The following MOB3B variants were observed in gnomAD, a reference collection of about 807,000 sequenced individuals.
MOB3B encodes the protein MOB kinase activator 3B.
MOB3B carries 7 observed loss-of-function variants against 18.7 expected under a neutral mutation model. The ratio of observed to expected loss-of-function variants is 0.37; its 90% CI spans 0.21 to 0.70. MOB3B has a LOEUF of 0.70. MOB3B is among the 30% of genes least tolerant of loss of function. The probability of loss-of-function intolerance (pLI) is 0.52; values close to 1 mark genes in which losing one functional copy is unlikely to be tolerated. For missense variants in MOB3B, 253 were observed against 281.3 expected (o/e 0.90, Z 0.72); for synonymous variants, 111 against 99.9 (o/e 1.11, Z -0.66).
chr9:27,365,162 C>CAAAAAAAAA (rs61043046), intron 2 of MOB3B, among the ~76,000 whole-genome samples: 46 of 109,694 alleles, frequency 4.2e-4, no homozygotes, highest in East Asian at 1.4e-3. Context: ...TTGGGGGAGG[C>CAAAAAAAAA]AAAAAAAAAA....
At chr9:27,382,060 G>T (rs1287309612) in intron 2 of MOB3B, among the ~76,000 whole-genome samples, 1 of 152,130 alleles carries the variant, frequency 6.6e-6, no homozygotes, top group African/African-American at 2.4e-5. Flanking sequence ...CCCTCAGTCT[G>T]CTCTGTGTCT....
intron 2 of MOB3B, among the ~76,000 whole-genome samples, chr9:27,446,733 T>G (rs949369312): frequency 1.3e-5 from 2 of 152,190 alleles, no homozygotes; most frequent in African/African-American, 4.8e-5. Context: ...CATGTTATTT[T>G]ATATTCTTAA....
intron 2 of MOB3B, among the ~76,000 whole-genome samples, chr9:27,390,850 T>C (rs1014895419): frequency 1.3e-5 from 2 of 152,062 alleles, no homozygotes; most frequent in African/African-American, 2.4e-5. Context: ...CGAATGGGAT[T>C]ATTACCCTTA....
At chr9:27,382,895 T>C (rs1313517586) in intron 2 of MOB3B, among the ~76,000 whole-genome samples, 1 of 152,086 alleles carries the variant, frequency 6.6e-6, no homozygotes, top group African/African-American at 2.4e-5. Context: ...TTCCAGGACT[T>C]AGTGCTATGC....
intron 1 of MOB3B, among the ~76,000 whole-genome samples, chr9:27,528,143 A>T (rs142428641): frequency 6.6e-6 from 1 of 152,182 alleles, no homozygotes; most frequent in East Asian, 1.9e-4. Context: ...CCACCACACT[A>T]CTATTTCCAG....
rs904726277 is a variant in MOB3B, at chr9:27,429,799, G to C, written c.418+25334C>G. On this transcript the variant is annotated intron_variant, in intron 2 of 3. Transcript: ENST00000262244. ...GAACTTGGAAGTTCCATAATACTGA[G>C]TTTCAAGGTTGCCCCTCAAAGGATA... is the stretch of plus-strand genomic sequence containing the variant. Among the ~76,000 whole-genome samples the C allele has an allele frequency of 2.6e-5, 4 of 152,188 alleles. No homozygotes were observed. The South Asian group carries it at 8.3e-4, about 31-fold the overall frequency.
chr9:27,513,253 C>T (rs1000607568), intron 1 of MOB3B, among the ~76,000 whole-genome samples: 2 of 152,112 alleles, frequency 1.3e-5, no homozygotes, highest in Admixed American at 1.3e-4. Flanking sequence ...TCATACCAGT[C>T]TTATTTTTTC....
chr9:27,332,730 G>C (rs1248696987), intron 3 of MOB3B, among the ~76,000 whole-genome samples: 2 of 152,184 alleles, frequency 1.3e-5, no homozygotes, highest in Non-Finnish European at 2.9e-5. Flanking sequence ...ATTATACTTT[G>C]TGAAGTAAGA....
At chr9:27,403,584 G>A (rs1333675710) in intron 2 of MOB3B, among the ~76,000 whole-genome samples, 2 of 132,828 alleles carry the variant, frequency 1.5e-5, no homozygotes, top group South Asian at 2.5e-4. Context: ...CCAGGCTAGA[G>A]CGCAATGGTG....
At position 27,384,049 on chromosome 9, in the gene MOB3B, T is replaced by G. The variant is rs554472904; in HGVS notation, c.419-24813A>C. ...TAAAGAAACCTGCTTATTTTCAATG[T>G]GGTGTTTCCCAAACCTACTTAGCCA... On this transcript the variant is annotated intron_variant, in intron 2 of 3. Transcript: ENST00000262244. 1.6e-3 allele frequency among the ~76,000 whole-genome samples: 248 copies of G among 152,336 alleles called. 1 individual carries two copies. Among genetic ancestry groups the G allele is most frequent in the African/African-American group, 5.7e-3 (237 of 41,572 alleles).
intron 3 of MOB3B, among the ~76,000 whole-genome samples, chr9:27,343,484 A>C (rs1198879581): frequency 6.7e-6 from 1 of 150,248 alleles, no homozygotes; most frequent in Non-Finnish European, 1.5e-5. Flanking sequence ...ATACTAAAAA[A>C]AAAAAAAAAA....
At chr9:27,355,653 G>A (rs191283236) in intron 3 of MOB3B, among the ~76,000 whole-genome samples, 22 of 149,986 alleles carry the variant, frequency 1.5e-4, no homozygotes, top group African/African-American at 4.9e-4. Context: ...TCTGCCTCCC[G>A]GGTTCACGCC....
At chr9:27,514,202 C>G (rs1172991438) in intron 1 of MOB3B, among the ~76,000 whole-genome samples, 1 of 151,984 alleles carries the variant, frequency 6.6e-6, no homozygotes, top group African/African-American at 2.4e-5. Context: ...TTGATAATTC[C>G]AAGAGGATAG....
intron 3 of MOB3B, among the ~76,000 whole-genome samples, chr9:27,331,963 A>G (rs150482292): frequency 4.3e-4 from 66 of 152,310 alleles, no homozygotes; most frequent in African/African-American, 1.6e-3. Context: ...ATAATTATTA[A>G]TACAGGAAGT....
In MOB3B at chr9:27,481,573, A is replaced by T. The variant is rs1819656546; in HGVS notation, c.-198-25825T>A. Among the ~76,000 whole-genome samples, 3 of 138,366 alleles carry T rather than the reference A, an allele frequency of 2.2e-5. No individual in the cohort carries two copies. The South Asian group carries it at 6.7e-4, about 31-fold the overall frequency. 90.8% of individuals were successfully genotyped at this position (138,366 alleles called of 152,430 possible). A position where few individuals can be genotyped will look rare whatever the true frequency, so the allele number is the denominator to read the frequency against. On this transcript the variant is annotated intron_variant, in intron 1 of 3. Transcript: ENST00000262244. ...AGCTCTGTCGCCCAGGCTGGAGTGC[A>T]GGAGTACAGTGGCGTGATCTCGGCT...
At chr9:27,515,301 A>G (rs1360528753) in intron 1 of MOB3B, among the ~76,000 whole-genome samples, 1 of 152,212 alleles carries the variant, frequency 6.6e-6, no homozygotes, top group African/African-American at 2.4e-5. Flanking sequence ...AATGGCTATT[A>G]ATGCATAAAT....
chr9:27,475,149 T>G (rs1819535052), intron 1 of MOB3B, among the ~76,000 whole-genome samples: 1 of 152,222 alleles, frequency 6.6e-6, no homozygotes, highest in South Asian at 2.1e-4. Flanking sequence ...AGCAAGGAAC[T>G]GAAGGTGCCT....
In MOB3B at chr9:27,402,191, T is replaced by C. The variant is rs184571219; in HGVS notation, c.419-42955A>G. On this transcript the variant is annotated intron_variant, in intron 2 of 3. Coordinates refer to ENST00000262244, the MANE Select transcript of MOB3B (RefSeq NM_024761.5). ...TGTCTGGCATATGAGGAATAGTCAA[T>C]AAACGGTAAACATTTGGTTGAACCA... 7.9e-5 allele frequency among the ~76,000 whole-genome samples: 12 copies of C among 152,368 alleles called. No homozygotes were observed. The East Asian group carries it at 1.3e-3, about 17-fold the overall frequency.
intron 2 of MOB3B, among the ~76,000 whole-genome samples, chr9:27,380,718 T>C (rs1389175021): frequency 2.8e-5 from 4 of 142,058 alleles, no homozygotes; most frequent in Non-Finnish European, 6.1e-5. Context: ...TTGTTCTTGC[T>C]GTAGTCCAGG....
Sources: allele counts gnomAD v4.1 joint callset (sites outside exome capture counted in the v4.1 genomes callset), GRCh38; gene constraint gnomAD v4.1.1; transcripts MANE v1.5; gene names NCBI Gene and HGNC (gene_info 2026-07-23, HGNC 2026-07-21).